The following MAGI2 variants were observed in gnomAD, a reference collection of about 807,000 sequenced individuals.
MAGI2 encodes the protein membrane-associated guanylate kinase, WW and PDZ domain-containing protein 2.
Under a neutral mutation model 133.3 loss-of-function variants are expected in MAGI2, and 35 were observed. That is an observed-to-expected ratio of 0.26 (90% confidence interval 0.20 to 0.35). The LOEUF (loss-of-function observed/expected upper bound fraction) is 0.35, where lower values mean the gene tolerates loss of function less well. Among genes scored for constraint, MAGI2 ranks in the 10% least tolerant of loss-of-function variants. The pLI is 1.00. For synonymous variants in MAGI2, 729 were observed against 710.6 expected (o/e 1.03, Z -0.41); for missense variants, 1,636 against 1,863.4 (o/e 0.88, Z 2.25).
chr7:79,418,583 C>G (rs981963941), intron 1 of MAGI2, among the ~76,000 whole-genome samples: 6 of 152,068 alleles, frequency 3.9e-5, no homozygotes, highest in African/African-American at 1.4e-4. Flanking sequence ...TTGCTGCCAT[C>G]TTAGAACACA....
chr7:78,094,268 C>G (rs143951708), intron 20 of MAGI2, among the ~76,000 whole-genome samples: 60 of 152,268 alleles, frequency 3.9e-4, no homozygotes, highest in Non-Finnish European at 2.2e-4. Flanking sequence ...ATTCCTTGAG[C>G]GTATTTTCTA....
intron 2 of MAGI2, among the ~76,000 whole-genome samples, chr7:78,717,090 C>T (rs1198320593): frequency 2.6e-5 from 4 of 152,118 alleles, no homozygotes; most frequent in African/African-American, 9.7e-5. Context: ...TCACAGCAAC[C>T]TCAGACCTCT....
chr7:78,792,033 A>C (rs933579717), intron 2 of MAGI2, among the ~76,000 whole-genome samples: 2 of 152,198 alleles, frequency 1.3e-5, no homozygotes, highest in Non-Finnish European at 2.9e-5. Context: ...CTTCACGGAC[A>C]GATTTTGGCT....
At chr7:78,860,033 G>T (rs1264416284) in intron 2 of MAGI2, among the ~76,000 whole-genome samples, 1 of 152,088 alleles carries the variant, frequency 6.6e-6, no homozygotes, top group Non-Finnish European at 1.5e-5. Flanking sequence ...GATCAAATCA[G>T]CTACTGAAGC....
At chr7:78,417,605 G>A (rs1050937052) in intron 6 of MAGI2, among the ~76,000 whole-genome samples, 1 of 152,112 alleles carries the variant, frequency 6.6e-6, no homozygotes, top group African/African-American at 2.4e-5. Context: ...TTCATCCAAT[G>A]TTTCCAACCT....
chr7:79,028,240 T>G (rs866264051), intron 1 of MAGI2, among the ~76,000 whole-genome samples: 2 of 33,664 alleles, frequency 5.9e-5, no homozygotes, highest in African/African-American at 2.5e-4. Flanking sequence ...TGTATGTATA[T>G]ATATATATAT....
chr7:79,153,262 C>T (rs146852844), intron 1 of MAGI2, among the ~76,000 whole-genome samples: 390 of 152,214 alleles, frequency 2.6e-3, no homozygotes, highest in African/African-American at 8.8e-3. Flanking sequence ...TCTTCAAGAA[C>T]TTCATTTAGT....
chr7:78,269,518 A>G (rs1370175186), intron 9 of MAGI2, among the ~76,000 whole-genome samples: 1 of 151,346 alleles, frequency 6.6e-6, no homozygotes, highest in Non-Finnish European at 1.5e-5. Flanking sequence ...TTTGATTTGC[A>G]TTTCTCTAAT....
intron 6 of MAGI2, among the ~76,000 whole-genome samples, chr7:78,448,738 A>G (rs1343155770): frequency 5.3e-5 from 8 of 152,222 alleles, no homozygotes; most frequent in Non-Finnish European, 1.2e-4. Flanking sequence ...ATTTGTATGC[A>G]TATATATTTA....
At chr7:78,204,095 G>T (rs957361573) in intron 10 of MAGI2, among the ~76,000 whole-genome samples, 2 of 152,174 alleles carry the variant, frequency 1.3e-5, no homozygotes, top group Admixed American at 1.3e-4. Context: ...ACAAAAGCAA[G>T]ATAAGACTTC....
chr7:78,683,112 G>A (rs1015772363), intron 2 of MAGI2, among the ~76,000 whole-genome samples: 4 of 152,112 alleles, frequency 2.6e-5, no homozygotes, highest in South Asian at 2.1e-4. Context: ...AAAATGCAAT[G>A]GTGATAAAGT....
At chr7:78,369,084 C>G in intron 7 of MAGI2, 72 bp downstream of exon 7, 4 of 1,118,652 alleles carry the variant, frequency 3.6e-6, no homozygotes, top group Non-Finnish European at 5.2e-6. Flanking sequence ...GCCACACATG[C>G]TCAATAAATA....
chr7:79,105,947 A>C (rs1818417082), intron 1 of MAGI2, among the ~76,000 whole-genome samples: 2 of 152,252 alleles, frequency 1.3e-5, no homozygotes, highest in South Asian at 4.1e-4. Flanking sequence ...TATGACTCAC[A>C]CACAAAATTT....
At chr7:78,985,640 G>T (rs1260202571) in intron 2 of MAGI2, among the ~76,000 whole-genome samples, 3 of 151,884 alleles carry the variant, frequency 2.0e-5, no homozygotes, top group Non-Finnish European at 2.9e-5. Context: ...TCTTTACCAT[G>T]GTTCACTAGT....
intron 2 of MAGI2, among the ~76,000 whole-genome samples, chr7:78,963,347 C>G (rs1258614759): frequency 6.6e-6 from 1 of 152,092 alleles, no homozygotes; most frequent in Non-Finnish European, 1.5e-5. Flanking sequence ...TTATTATGAA[C>G]TTCTCTGATA....
At chr7:78,366,888 C>A (rs547906448) in intron 7 of MAGI2, among the ~76,000 whole-genome samples, 1 of 152,182 alleles carries the variant, frequency 6.6e-6, no homozygotes, top group Admixed American at 6.5e-5. Flanking sequence ...AATAATAGAA[C>A]TGAATGTAAC....
At chr7:78,372,528 C>T (rs956712298) in intron 6 of MAGI2, among the ~76,000 whole-genome samples, 1 of 152,084 alleles carries the variant, frequency 6.6e-6, no homozygotes, top group Non-Finnish European at 1.5e-5. Flanking sequence ...TAAGGTAACA[C>T]TGATGAAAGA....
intron 1 of MAGI2, among the ~76,000 whole-genome samples, chr7:79,093,423 A>G (rs914530224): frequency 2.0e-5 from 3 of 152,236 alleles, no homozygotes; most frequent in African/African-American, 4.8e-5. Flanking sequence ...AAAGTAAGTC[A>G]CATAACTTTT....
intron 2 of MAGI2, among the ~76,000 whole-genome samples, chr7:78,656,202 C>T (rs1278115259): frequency 6.6e-6 from 1 of 152,048 alleles, no homozygotes; most frequent in Admixed American, 6.5e-5. Flanking sequence ...AACTGTGTTG[C>T]TTTAGGCAAG....
Sources: gnomAD v4.1 joint callset for allele counts (sites outside exome capture counted in the v4.1 genomes callset) on GRCh38, gnomAD v4.1.1 for gene constraint, MANE v1.5 for transcripts, NCBI Gene and HGNC (gene_info 2026-07-23, HGNC 2026-07-21) for gene names.